The following PTPRG variants were observed in gnomAD, a reference collection of about 807,000 sequenced individuals.
PTPRG encodes the protein protein tyrosine phosphatase receptor type G, also known as receptor-type tyrosine-protein phosphatase gamma.
A neutral mutation model predicts 165.3 loss-of-function variants in PTPRG; 102 were observed. The observed-to-expected ratio is 0.62, with a 90% CI of 0.53 to 0.73. The LOEUF (loss-of-function observed/expected upper bound fraction) is 0.73, where lower values mean the gene tolerates loss of function less well. PTPRG is among the 30% of genes least tolerant of loss of function. The pLI, the probability that PTPRG is intolerant of heterozygous loss-of-function variation, is 0.00. For synonymous variants in PTPRG, 675 were observed against 669.5 expected (o/e 1.01, Z -0.13); for missense variants, 1,866 against 1,861.4 (o/e 1.00, Z -0.05).
intron 1 of PTPRG, among the ~76,000 whole-genome samples, chr3:61,643,260 G>GGAGA (rs926734882): frequency 7.2e-6 from 1 of 138,506 alleles, no homozygotes; most frequent in Non-Finnish European, 1.6e-5. Flanking sequence ...CCCCATCTGG[G>GGAGA]GAGAGAGAGA....
At chr3:61,948,712 C>T (rs1335829392) in intron 2 of PTPRG, among the ~76,000 whole-genome samples, 3 of 152,020 alleles carry the variant, frequency 2.0e-5, no homozygotes, top group Admixed American at 6.6e-5. Flanking sequence ...ACTTTGGGTA[C>T]CTGGAGTATT....
At chr3:61,828,468 G>A (rs115741672) in intron 2 of PTPRG, among the ~76,000 whole-genome samples, 1,702 of 152,320 alleles carry the variant, frequency 0.011, 28 homozygotes, top group African/African-American at 0.038. Context: ...CTAGAACAAG[G>A]TAGACAAGGT....
chr3:61,731,117 G>T (rs1411067005), intron 1 of PTPRG, among the ~76,000 whole-genome samples: 1 of 152,108 alleles, frequency 6.6e-6, no homozygotes, highest in Non-Finnish European at 1.5e-5. Flanking sequence ...CTAAAGCAGT[G>T]AATAGACCAA....
At chr3:61,614,145 TC>T (rs1035893796) in intron 1 of PTPRG, among the ~76,000 whole-genome samples, 1 of 152,116 alleles carries the variant, frequency 6.6e-6, no homozygotes, top group Admixed American at 6.5e-5. Flanking sequence ...CGCCTGTTGT[TC>T]CTCACTCACT....
At chr3:61,650,039 G>A (rs6445232) in intron 1 of PTPRG, among the ~76,000 whole-genome samples, 150,372 of 152,296 alleles carry the variant, frequency 0.99, 74,278 homozygotes, top group East Asian at 1. Flanking sequence ...GGTTTCTCTC[G>A]ATTTCTCCTT....
chr3:61,969,700 G>A (rs1034266701), intron 2 of PTPRG, among the ~76,000 whole-genome samples: 1 of 152,070 alleles, frequency 6.6e-6, no homozygotes, highest in Admixed American at 6.6e-5. Context: ...ACCCTGGTGT[G>A]CACATCTGGT....
At chr3:61,661,388 G>C (rs1702664322) in intron 1 of PTPRG, among the ~76,000 whole-genome samples, 1 of 151,862 alleles carries the variant, frequency 6.6e-6, no homozygotes, top group Non-Finnish European at 1.5e-5. Flanking sequence ...CTTGACTGTG[G>C]TGAATATCTT....
chr3:62,066,048 A>G (rs1283044150), intron 4 of PTPRG, among the ~76,000 whole-genome samples: 1 of 152,172 alleles, frequency 6.6e-6, no homozygotes, highest in Non-Finnish European at 1.5e-5. Flanking sequence ...AGTTTTCCAG[A>G]TAAAAGAGCA....
intron 2 of PTPRG, among the ~76,000 whole-genome samples, chr3:61,932,104 C>T (rs1197886904): frequency 6.6e-6 from 1 of 152,144 alleles, no homozygotes; most frequent in Non-Finnish European, 1.5e-5. Context: ...AATGAATTAG[C>T]TTAGATTTAC....
At chr3:62,260,018 T>C (rs1419718038) in intron 16 of PTPRG, among the ~76,000 whole-genome samples, 1 of 152,062 alleles carries the variant, frequency 6.6e-6, no homozygotes, top group East Asian at 1.9e-4. Context: ...TTGAGGAAAA[T>C]CAGTCTGGCA....
intron 6 of PTPRG, among the ~76,000 whole-genome samples, chr3:62,143,600 A>G (rs1704010129): frequency 1.3e-5 from 2 of 151,354 alleles, no homozygotes; most frequent in African/African-American, 4.9e-5. Context: ...TTCTTAGCGT[A>G]AAGACTAATG....
chr3:61,568,046 G>A (rs1026363875), intron 1 of PTPRG, among the ~76,000 whole-genome samples: 1 of 151,602 alleles, frequency 6.6e-6, no homozygotes, highest in Non-Finnish European at 1.5e-5. Flanking sequence ...ACTATATCCA[G>A]GACTAGGGCA....
At chr3:62,012,249 T>C (rs1015875485) in intron 4 of PTPRG, among the ~76,000 whole-genome samples, 1 of 152,214 alleles carries the variant, frequency 6.6e-6, no homozygotes, top group Admixed American at 6.5e-5. Flanking sequence ...GACTTCCTGT[T>C]AGTACTCCAG....
chr3:61,698,252 G>A (rs1052219279), intron 1 of PTPRG, among the ~76,000 whole-genome samples: 12 of 152,050 alleles, frequency 7.9e-5, no homozygotes, highest in African/African-American at 2.2e-4. Flanking sequence ...AGTCTCCATG[G>A]CACATAAGAG....
intron 2 of PTPRG, among the ~76,000 whole-genome samples, chr3:61,875,425 T>A (rs2037708903): frequency 6.6e-6 from 1 of 152,198 alleles, no homozygotes; most frequent in South Asian, 2.1e-4. Flanking sequence ...ATGTTTTTAA[T>A]GTTAATTATA....
At chr3:62,177,964 T>C (rs2106764918) in intron 8 of PTPRG, among the ~76,000 whole-genome samples, 1 of 151,992 alleles carries the variant, frequency 6.6e-6, no homozygotes, top group Non-Finnish European at 1.5e-5. Context: ...GACTTTTCCT[T>C]TTCTCTGTTT....
At chr3:62,039,429 T>G (rs548553969) in intron 4 of PTPRG, among the ~76,000 whole-genome samples, 1 of 152,158 alleles carries the variant, frequency 6.6e-6, no homozygotes, top group South Asian at 2.1e-4. Flanking sequence ...AAATATCTTT[T>G]TTTCTAATAA....
At chr3:61,949,212 C>A (rs1346470961) in intron 2 of PTPRG, among the ~76,000 whole-genome samples, 2 of 151,940 alleles carry the variant, frequency 1.3e-5, no homozygotes, top group Non-Finnish European at 2.9e-5. Flanking sequence ...AACAAAAAAA[C>A]CAGGTGTGCT....
At chr3:61,869,687 TC>T (rs1380398213) in intron 2 of PTPRG, among the ~76,000 whole-genome samples, 1 of 151,678 alleles carries the variant, frequency 6.6e-6, no homozygotes, top group Non-Finnish European at 1.5e-5. Context: ...TAACTGATCT[TC>T]CCCCCTCAGC....
Sources: allele counts gnomAD v4.1 joint callset (sites outside exome capture counted in the v4.1 genomes callset), GRCh38; gene constraint gnomAD v4.1.1; transcripts MANE v1.5; gene names NCBI Gene and HGNC (gene_info 2026-07-23, HGNC 2026-07-21).